ALDH5A1: variants seen among roughly 807,000 people sequenced by gnomAD.
The protein encoded by ALDH5A1 is succinate-semialdehyde dehydrogenase, mitochondrial.
ALDH5A1 carries 33 observed loss-of-function variants against 54.7 expected under a neutral mutation model. The ratio of observed to expected loss-of-function variants is 0.60; its 90% confidence interval spans 0.46 to 0.81. The LOEUF (loss-of-function observed/expected upper bound fraction) is 0.81. Among genes scored for constraint, ALDH5A1 ranks in the 30% least tolerant of loss-of-function variants. The pLI, the probability that ALDH5A1 is intolerant of heterozygous loss-of-function variation, is 0.00. For missense variants in ALDH5A1, 657 were observed against 711.0 expected (o/e 0.92, Z 0.86); for synonymous variants, 294 against 292.7 (o/e 1.00, Z -0.05).
At chr6:24,530,134 CTTCATTCCTGA>C (rs962578619) in intron 8 of ALDH5A1, among the ~76,000 whole-genome samples, 6 of 152,236 alleles carry the variant, frequency 3.9e-5, no homozygotes, top group East Asian at 1.9e-4. Context: ...CATTCCATCT[CTTCATTCCTGA>C]TTCATTCCTG....
Position 24,495,147 on chromosome 6 carries a change from C to T in ALDH5A1, c.151C>T (p.Leu51=). 4 of 1,421,812 alleles carry T rather than the reference C, an allele frequency of 2.8e-6. No individual in the cohort carries two copies. Among genetic ancestry groups the T allele is most frequent in the East Asian group, 3.0e-5 (1 of 32,858 alleles). 88.1% of individuals were successfully genotyped at this position (1,421,812 alleles called of 1,614,324 possible). A position where few individuals can be genotyped will look rare whatever the true frequency, so the allele number is the denominator to read the frequency against. The stretch of plus-strand genomic sequence containing the variant: ...CCAGCTCCGCTGCTACGCTGGGCGC[C>T]TGGCGGGCCTCTCTGCGGCGCTGCT... ...PAQLRCYAGR[L]AGLSAALLRT... Residue 51 remains leucine, a synonymous_variant, in exon 1 of 10, where the codon CTG becomes TTG. Transcript: ENST00000357578.
chr6:24,502,631 G>C (rs1157127326), intron 2 of ALDH5A1, 25 bp downstream of exon 2: 1 of 1,582,644 alleles, frequency 6.3e-7, no homozygotes, highest in South Asian at 1.1e-5. Flanking sequence ...CTGGCTTGGT[G>C]CACTGAGAAA....
chr6:24,501,675 C>T (rs1764820355), intron 1 of ALDH5A1, among the ~76,000 whole-genome samples: 1 of 152,124 alleles, frequency 6.6e-6, no homozygotes, highest in South Asian at 2.1e-4. Flanking sequence ...CACACCACTG[C>T]ACTTCAGCCT....
At chr6:24,514,558 G>T (rs1048857770) in intron 4 of ALDH5A1, among the ~76,000 whole-genome samples, 1 of 151,942 alleles carries the variant, frequency 6.6e-6, no homozygotes, top group Non-Finnish European at 1.5e-5. Context: ...GGCTAACATG[G>T]TGAAAACCGT....
intron 6 of ALDH5A1, 36 bp downstream of exon 6, chr6:24,520,580 CGTGTGCATGTGTGAGTGTGTGTAT>C (rs768247574): frequency 6.2e-7 from 1 of 1,611,294 alleles, no homozygotes; most frequent in Non-Finnish European, 8.5e-7. Context: ...TGTGTGTTTG[CGTGTGCATGTGTGAGTGTGTGTAT>C]GTGTGTGTGT....
intron 5 of ALDH5A1, among the ~76,000 whole-genome samples, chr6:24,516,009 T>C (rs1759563253): frequency 6.6e-6 from 1 of 152,194 alleles, no homozygotes; most frequent in African/African-American, 2.4e-5. Flanking sequence ...AACAAAAATG[T>C]GTTTAGTCTA....
chr6:24,496,861 C>T (rs1042979252), intron 1 of ALDH5A1, among the ~76,000 whole-genome samples: 2 of 152,126 alleles, frequency 1.3e-5, no homozygotes, highest in Admixed American at 1.3e-4. Flanking sequence ...TTTCCAAATG[C>T]ACTCACATTC....
At chr6:24,527,973 CT>C (rs1246461982) in intron 7 of ALDH5A1, 23 bp from the exon 8 acceptor site, 8 of 1,612,834 alleles carry the variant, frequency 5.0e-6, no homozygotes, top group Admixed American at 3.3e-5. Context: ...ATGTGGAAAG[CT>C]TTTTTTCTTC....
chr6:24,506,243 C>CTTTTTTTT lies in ALDH5A1; in HGVS notation c.726+1281_726+1288dup, dbSNP rs70974913. Among the ~76,000 whole-genome samples the CTTTTTTTT allele has an allele frequency of 7.3e-4, 38 of 52,162 alleles. 11 individuals carry two copies. Among genetic ancestry groups the CTTTTTTTT allele is most frequent in the South Asian group, 2.2e-3 (2 of 924 alleles). 34.2% of individuals were successfully genotyped at this position (52,162 alleles called of 152,430 possible). A position where few individuals can be genotyped will look rare whatever the true frequency, so the allele number is the denominator to read the frequency against. Reference sequence around the variant, plus strand: ...TCTGCACCTCCTTCTTTCCTGGTTCCTTTTTTTTTTTTTTTTTTTTTTTTT... The same window carrying CTTTTTTTT: ...TCTGCACCTCCTTCTTTCCTGGTTCCTTTTTTTTTTTTTTTTTTTTTTTTTTTTTTTTT... On this transcript the variant is annotated intron_variant, in intron 4 of 9. Coordinates refer to ENST00000357578, the MANE Select transcript of ALDH5A1 (RefSeq NM_001080.3).
Position 24,495,128 on chromosome 6 carries a change from C to CCGCTGCTA in ALDH5A1, c.138_145dup (p.Gly49AlafsTer45). The CCGCTGCTA allele has an allele frequency of 7.2e-7, 1 of 1,388,302 alleles. No homozygotes were observed. Among genetic ancestry groups the CCGCTGCTA allele is most frequent in the Non-Finnish European group, 9.3e-7 (1 of 1,079,098 alleles). 86.0% of individuals were successfully genotyped at this position (1,388,302 alleles called of 1,614,324 possible). On this transcript the variant is annotated frameshift_variant, in exon 1 of 10. Coordinates refer to ENST00000357578, the MANE Select transcript of ALDH5A1 (RefSeq NM_001080.3). LOFTEE classifies it high-confidence loss of function. Reference sequence around the variant, plus strand: ...GGCCTGCGCCCGGCCCGGCCCAGCTCCGCTGCTACGCTGGGCGCCTGGCGG... The same window carrying CCGCTGCTA: ...GGCCTGCGCCCGGCCCGGCCCAGCTCCGCTGCTACGCTGCTACGCTGGGCGCCTGGCGG...
chr6:24,532,304 T>G, intron 9 of ALDH5A1, 127 bp downstream of exon 9: 1 of 939,052 alleles, frequency 1.1e-6, no homozygotes, highest in Non-Finnish European at 1.7e-6. Flanking sequence ...TTTTGTTGCT[T>G]TCCAAGTGGT....
intron 3 of ALDH5A1, among the ~76,000 whole-genome samples, chr6:24,503,715 C>A (rs1473304509): frequency 2.6e-5 from 4 of 152,178 alleles, no homozygotes; most frequent in Non-Finnish European, 2.9e-5. Context: ...GAGGCTTCTT[C>A]CTGGCATTGC....
chr6:24,531,903 G>A (rs531754444), intron 8 of ALDH5A1: 1 of 594,686 alleles, frequency 1.7e-6, no homozygotes, highest in East Asian at 2.9e-5. Context: ...GTTCTCTTAG[G>A]AGAGATGAAG....
intron 7 of ALDH5A1, 36 bp from the exon 8 acceptor site, chr6:24,527,961 T>C (rs760718370): frequency 6.2e-7 from 1 of 1,611,192 alleles, no homozygotes; most frequent in East Asian, 2.2e-5. Flanking sequence ...AAAGATTGTA[T>C]CATGTGGAAA....
At chr6:24,532,416 C>T (rs1305360931) in intron 9 of ALDH5A1, among the ~76,000 whole-genome samples, 3 of 152,152 alleles carry the variant, frequency 2.0e-5, no homozygotes, top group Non-Finnish European at 4.4e-5. Context: ...AGAGAAGGTG[C>T]ACATTATTCT....
intron 7 of ALDH5A1, 39 bp from the exon 8 acceptor site, chr6:24,527,958 G>A: frequency 6.2e-7 from 1 of 1,609,144 alleles, no homozygotes; most frequent in Middle Eastern, 1.7e-4. Flanking sequence ...CTAAAAGATT[G>A]TATCATGTGG....
chr6:24,532,260 G>C, intron 9 of ALDH5A1, 83 bp downstream of exon 9: 1 of 1,415,188 alleles, frequency 7.1e-7, no homozygotes, highest in Non-Finnish European at 1.0e-6. Context: ...ACATCACCCT[G>C]GGTTTTGAGA....
intron 1 of ALDH5A1, among the ~76,000 whole-genome samples, chr6:24,501,374 G>A (rs1764814750): frequency 6.6e-6 from 1 of 152,162 alleles, no homozygotes; most frequent in African/African-American, 2.4e-5. Context: ...CAACTTGATG[G>A]AAGGAACTCT....
chr6:24,530,766 C>T (rs1759922054), intron 8 of ALDH5A1, among the ~76,000 whole-genome samples: 1 of 152,246 alleles, frequency 6.6e-6, no homozygotes, highest in Non-Finnish European at 1.5e-5. Context: ...GGTGTACCTG[C>T]TGGGCACGAG....
Sources: gnomAD v4.1 joint callset for allele counts (sites outside exome capture counted in the v4.1 genomes callset) on GRCh38, gnomAD v4.1.1 for gene constraint, MANE v1.5 for transcripts, NCBI Gene and HGNC (gene_info 2026-07-23, HGNC 2026-07-21) for gene names.